Variants in ARHGAP6 observed in about 807,000 individuals in gnomAD.
ARHGAP6 encodes rho GTPase-activating protein 6.
A neutral mutation model predicts 55.7 loss-of-function variants in ARHGAP6; 16 were observed. That is an observed-to-expected ratio of 0.29 (90% CI 0.19 to 0.44). ARHGAP6 has a LOEUF of 0.44. Among genes scored for constraint, ARHGAP6 ranks in the 20% least tolerant of loss-of-function variants. The pLI is 1.00. For synonymous variants in ARHGAP6, 382 were observed against 360.9 expected (o/e 1.06, Z -0.66); for missense variants, 698 against 808.9 (o/e 0.86, Z 1.66).
At chrX:11,428,361 C>A (rs746493810) in intron 1 of ARHGAP6, among the ~76,000 whole-genome samples, 19 of 111,799 alleles carry the variant, frequency 1.7e-4, no homozygotes, top group African/African-American at 5.9e-4. Flanking sequence ...TCCAGGGGGG[C>A]TTGCAGGGCA....
rs150832430 is a variant in ARHGAP6, at chrX:11,606,224, G to A, written c.588+58017C>T. ...TTTGAATGTGACACCCACTTGGACT[G>A]GATAGGAAGTGGCTTAGCTTTACCC... On this transcript the variant is annotated intron_variant, in intron 1 of 12. Transcript: ENST00000337414. Among the ~76,000 whole-genome samples, 415 of 111,944 alleles carry A rather than the reference G, an allele frequency of 3.7e-3. 1 individual carries two copies. The highest frequency in any genetic ancestry group is 0.012 in the African/African-American group (367 of 30,887).
At chrX:11,586,395 G>A (rs1360980950) in intron 1 of ARHGAP6, among the ~76,000 whole-genome samples, 1 of 111,848 alleles carries the variant, frequency 8.9e-6, no homozygotes, top group African/African-American at 3.3e-5. Context: ...CATATGGCTA[G>A]CCAGTTATCC....
In ARHGAP6 at chrX:11,138,059, G is replaced by T. The variant is rs1046620814; in HGVS notation, c.*804C>A. On this transcript the variant is annotated 3_prime_UTR_variant, in exon 13 of 13. Transcript: ENST00000337414. ...TACATTATAAATATATATTATATAT[G>T]GCCTATATAAAACTGAATTTGATGT... 8.1e-5 allele frequency: 9 copies of T among 111,503 alleles called. No individual in the cohort carries two copies. Among genetic ancestry groups the T allele is most frequent in the African/African-American group, 1.3e-4 (4 of 30,673 alleles). 9.2% of individuals were successfully genotyped at this position (111,503 alleles called of 1,213,427 possible). A position where few individuals can be genotyped will look rare whatever the true frequency, so the allele number is the denominator to read the frequency against.
intron 2 of ARHGAP6, among the ~76,000 whole-genome samples, chrX:11,217,631 G>A (rs1394118260): frequency 8.9e-6 from 1 of 111,824 alleles, no homozygotes; most frequent in Non-Finnish European, 1.9e-5. Flanking sequence ...TAGATGGATA[G>A]ATTGCAAAAA....
rs141596017 is a variant in ARHGAP6, at chrX:11,563,728, T to C, written c.588+100513A>G. On this transcript the variant is annotated intron_variant, in intron 1 of 12. Transcript: ENST00000337414. ...TGGCAGAAATTCACACTTATGTTTA[T>C]ACTTAAAATCAAAGTGAAGTTAAAC... Among the ~76,000 whole-genome samples the C allele has an allele frequency of 6.1e-3, 669 of 109,160 alleles. 2 individuals are homozygous for C. Among genetic ancestry groups the C allele is most frequent in the African/African-American group, 0.021 (637 of 30,441 alleles). 94.8% of individuals were successfully genotyped at this position (109,160 alleles called of 115,157 possible).
chrX:11,548,077 T>C (rs918753876), intron 1 of ARHGAP6, among the ~76,000 whole-genome samples: 2 of 111,976 alleles, frequency 1.8e-5, no homozygotes, highest in Admixed American at 9.4e-5. Context: ...CAGAGATTTT[T>C]AGTTTAATTC....
chrX:11,147,046 T>A (rs756317974), intron 10 of ARHGAP6, among the ~76,000 whole-genome samples: 18 of 111,723 alleles, frequency 1.6e-4, no homozygotes, highest in Non-Finnish European at 2.4e-4. Flanking sequence ...ATAGATTTTT[T>A]AAAAAAATAG....
chrX:11,579,389 A>C (rs1366035658), intron 1 of ARHGAP6, among the ~76,000 whole-genome samples: 2 of 112,083 alleles, frequency 1.8e-5, no homozygotes, highest in Admixed American at 1.9e-4. Context: ...CTATAGTATT[A>C]GTGTAGTATA....
At chrX:11,413,869 A>G (rs2049717152) in intron 1 of ARHGAP6, among the ~76,000 whole-genome samples, 1 of 112,299 alleles carries the variant, frequency 8.9e-6, no homozygotes, top group Non-Finnish European at 1.9e-5. Context: ...CAGACACTAT[A>G]CTTGCAGATG....
intron 2 of ARHGAP6, among the ~76,000 whole-genome samples, chrX:11,227,804 T>C (rs1429768569): frequency 9.1e-6 from 1 of 110,175 alleles, no homozygotes; most frequent in East Asian, 2.8e-4. Flanking sequence ...TTTTTTCTTT[T>C]TTTTTTTTTG....
intron 2 of ARHGAP6, among the ~76,000 whole-genome samples, chrX:11,241,038 G>A (rs747727947): frequency 2.9e-5 from 3 of 102,469 alleles, no homozygotes; most frequent in African/African-American, 1.1e-4. Flanking sequence ...CACTCCAGCC[G>A]GAGCGACAGA....
chrX:11,664,893 G>T lies in ARHGAP6; in HGVS notation c.-65C>A. ...CCCTGGACGCTGGTGGCTTTGGGTC[G>T]GGAACCGAAAGGGACTCAGGCAAAG... On this transcript the variant is annotated 5_prime_UTR_variant, in exon 1 of 13. Transcript: ENST00000337414. 9.5e-7 allele frequency: 1 copy of T among 1,058,128 alleles called. No individual in the cohort carries two copies. The highest frequency in any genetic ancestry group is 3.3e-5 in the East Asian group (1 of 30,555). The allele number at this position is 1,058,128 out of a possible 1,213,427, so 87.2% of individuals were successfully genotyped here. A position where few individuals can be genotyped will look rare whatever the true frequency, so the allele number is the denominator to read the frequency against.
At chrX:11,171,196 TAGAA>T (rs1182976879) in intron 8 of ARHGAP6, among the ~76,000 whole-genome samples, 1 of 111,032 alleles carries the variant, frequency 9.0e-6, no homozygotes, top group Non-Finnish European at 1.9e-5. Flanking sequence ...TATTAATAAT[TAGAA>T]AGCACAGGTA....
chrX:11,309,062 A>G (rs142046787), intron 1 of ARHGAP6, among the ~76,000 whole-genome samples: 22 of 111,817 alleles, frequency 2.0e-4, no homozygotes, highest in African/African-American at 6.8e-4. Context: ...GGACACATTG[A>G]GCAAATCCCT....
chrX:11,495,701 T>C (rs2050615143), intron 1 of ARHGAP6, among the ~76,000 whole-genome samples: 2 of 111,816 alleles, frequency 1.8e-5, no homozygotes, highest in South Asian at 3.8e-4. Context: ...CCCTACCCAA[T>C]CTCTTCCCTT....
chrX:11,403,651 G>T (rs2049577015), intron 1 of ARHGAP6, among the ~76,000 whole-genome samples: 1 of 111,924 alleles, frequency 8.9e-6, no homozygotes, highest in African/African-American at 3.2e-5. Flanking sequence ...TTACTTTAAG[G>T]CATGATTTAT....
rs141413232 is a variant in ARHGAP6, at chrX:11,605,906, T to C, written c.588+58335A>G. ...CCCAGAGAAGAGAGTATGAGCTATATGAGAGCCAAGAGCAACCCCATCCCG... is the reference window on the plus strand; with the variant it reads ...CCCAGAGAAGAGAGTATGAGCTATACGAGAGCCAAGAGCAACCCCATCCCG... On this transcript the variant is annotated intron_variant, in intron 1 of 12. Transcript: ENST00000337414. Among the ~76,000 whole-genome samples the C allele has an allele frequency of 6.5e-3, 717 of 109,479 alleles. 6 individuals are homozygous for C. Among genetic ancestry groups the C allele is most frequent in the African/African-American group, 0.023 (690 of 29,991 alleles).
chrX:11,521,781 T>C (rs959945932), intron 1 of ARHGAP6, among the ~76,000 whole-genome samples: 1 of 111,265 alleles, frequency 9.0e-6, no homozygotes, highest in African/African-American at 3.3e-5. Context: ...TGATTCTTCC[T>C]ACCCATGAGC....
At chrX:11,303,950 A>C (rs1200906144) in intron 1 of ARHGAP6, among the ~76,000 whole-genome samples, 2 of 112,227 alleles carry the variant, frequency 1.8e-5, no homozygotes, top group Non-Finnish European at 3.8e-5. Flanking sequence ...TGTTAGCTAC[A>C]GTTCTTGTAA....
Sources: allele counts gnomAD v4.1 joint callset (sites outside exome capture counted in the v4.1 genomes callset), GRCh38; gene constraint gnomAD v4.1.1; transcripts MANE v1.5; gene names NCBI Gene and HGNC (gene_info 2026-07-23, HGNC 2026-07-21).